Variants in DLC1 observed in about 807,000 individuals in gnomAD.
DLC1 encodes the protein DLC1 Rho GTPase activating protein, also known as rho GTPase-activating protein 7.
Under a neutral mutation model 140.3 loss-of-function variants are expected in DLC1, and 54 were observed. The observed-to-expected ratio is 0.38, with a 90% CI of 0.31 to 0.48. The LOEUF is 0.48. DLC1 is among the 20% of genes least tolerant of loss of function. The pLI, the probability that DLC1 is intolerant of heterozygous loss-of-function variation, is 0.96. For synonymous variants in DLC1, 986 were observed against 728.1 expected, an observed-to-expected ratio of 1.35 and a Z score of -5.70; for missense variants, 2,536 against 1,907.0, an observed-to-expected ratio of 1.33 and a Z score of -6.14.
chr8:13,567,921 A>G, intron 1 of DLC1: 1 of 1,550,512 alleles, frequency 6.4e-7, no homozygotes. Context: ...TAATCAAACC[A>G]GAGCTGGTGA....
chr8:13,287,040 T>G (rs1408605393), intron 5 of DLC1, among the ~76,000 whole-genome samples: 2 of 152,176 alleles, frequency 1.3e-5, no homozygotes, highest in Non-Finnish European at 2.9e-5. Context: ...GTACAGATTC[T>G]TTTGTGTGTA....
chr8:13,238,180 C>T (rs1411325548), intron 5 of DLC1, among the ~76,000 whole-genome samples: 1 of 152,042 alleles, frequency 6.6e-6, no homozygotes, highest in Non-Finnish European at 1.5e-5. Context: ...ATTTTGAAGG[C>T]ATGTATTTCA....
intron 1 of DLC1, among the ~76,000 whole-genome samples, chr8:13,507,442 A>T (rs1802147303): frequency 6.6e-6 from 1 of 152,220 alleles, no homozygotes; most frequent in South Asian, 2.1e-4. Context: ...TTTTTCCTTT[A>T]AAATATTCAT....
chr8:13,123,551 G>C (rs1015229414), intron 5 of DLC1, among the ~76,000 whole-genome samples: 2 of 150,088 alleles, frequency 1.3e-5, no homozygotes, highest in African/African-American at 4.9e-5. Context: ...TTTCACCGTG[G>C]TGGTCAGGCT....
intron 5 of DLC1, chr8:13,116,205 G>A: frequency 1.0e-6 from 1 of 985,462 alleles, no homozygotes; most frequent in Non-Finnish European, 1.2e-6. Flanking sequence ...CAGTAGGAGA[G>A]GCCCAGGCTG....
chr8:13,422,082 A>G (rs1318455068), intron 2 of DLC1, among the ~76,000 whole-genome samples: 1 of 152,192 alleles, frequency 6.6e-6, no homozygotes, highest in Non-Finnish European at 1.5e-5. Flanking sequence ...TATGACTGAT[A>G]AATCTTTTGA....
chr8:13,453,613 A>G (rs774428891), intron 2 of DLC1, among the ~76,000 whole-genome samples: 8 of 137,346 alleles, frequency 5.8e-5, no homozygotes, highest in Non-Finnish European at 1.1e-4. Flanking sequence ...TGAGCAGCCA[A>G]TTCATTTGTC....
chr8:13,093,148 GAA>G lies in DLC1; in HGVS notation c.3527-325_3527-324del, dbSNP rs35750541. On this transcript the variant is annotated intron_variant, in intron 12 of 17. Transcript: ENST00000276297. ...GAACAGTTTTTTCTTTCCTAAGCAT[GAA>G]AAAAAAAAATCCCTAATTTATCAAT... is the stretch of plus-strand genomic sequence containing the variant. Among the ~76,000 whole-genome samples the G allele has an allele frequency of 1.9e-4, 28 of 150,202 alleles. No individual in the cohort carries two copies. In the East Asian group the frequency reaches 2.7e-3, roughly 15 times the overall value.
At chr8:13,601,825 C>G (rs1250133614) in intron 1 of DLC1, among the ~76,000 whole-genome samples, 2 of 151,712 alleles carry the variant, frequency 1.3e-5, no homozygotes, top group Admixed American at 6.6e-5. Context: ...GCAAAACACC[C>G]TTCTTTGGTG....
At chr8:13,177,399 TCCA>T (rs1825810972) in intron 5 of DLC1, among the ~76,000 whole-genome samples, 1 of 152,218 alleles carries the variant, frequency 6.6e-6, no homozygotes, top group African/African-American at 2.4e-5. Flanking sequence ...TTTTTGTAAT[TCCA>T]GGAACTATAG....
intron 5 of DLC1, among the ~76,000 whole-genome samples, chr8:13,260,653 T>G (rs1215835283): frequency 6.6e-6 from 1 of 152,064 alleles, no homozygotes; most frequent in Non-Finnish European, 1.5e-5. Flanking sequence ...GGAAGAAATA[T>G]CCAACTGATG....
intron 5 of DLC1, among the ~76,000 whole-genome samples, chr8:13,272,221 G>A (rs942041873): frequency 6.6e-6 from 1 of 151,978 alleles, no homozygotes; most frequent in Non-Finnish European, 1.5e-5. Context: ...GCCAAAGTGG[G>A]TGGATCATTT....
In DLC1 at chr8:13,545,051, C is replaced by T. The variant is rs115185994; in HGVS notation, c.-125-44855G>A. ...TTTTTGTTTATATTTTCGTCGTATC[C>T]TCAGTGCTAGAACATAGGCACATAG... is the stretch of plus-strand genomic sequence containing the variant. On this transcript the variant is annotated intron_variant, in intron 1 of 1. Coordinates refer to the DLC1 transcript ENST00000631382. Among the ~76,000 whole-genome samples, 493 of 152,044 alleles carry T rather than the reference C, an allele frequency of 3.2e-3. 3 individuals carry two copies. The highest frequency in any genetic ancestry group is 0.011 in the African/African-American group (470 of 41,462).
In DLC1 at chr8:13,401,607, C is replaced by A. The variant is rs774819453; in HGVS notation, c.1036G>T (p.Asp346Tyr). The change falls in exon 3 of 18, where the codon GAT (aspartate) becomes TAT (tyrosine). Residue 346 changes from aspartate (D) to tyrosine (Y), a missense_variant. Transcript: ENST00000276297. ...GAGTCCAGCCGCGCCCTATCTCGATCTTCTCTTATTTCCTGAGGAACAGAA... is the reference window on the plus strand; with the variant it reads ...GAGTCCAGCCGCGCCCTATCTCGATATTCTCTTATTTCCTGAGGAACAGAA... ...RLRKRKEIRE[D>Y]RDRARLDSMV... 6.2e-7 allele frequency: 1 copy of A among 1,613,308 alleles called. No homozygotes were observed. Among genetic ancestry groups the A allele is most frequent in the Non-Finnish European group, 8.5e-7 (1 of 1,179,744 alleles).
At chr8:13,412,816 C>CA (rs1837839313) in intron 2 of DLC1, among the ~76,000 whole-genome samples, 1 of 151,422 alleles carries the variant, frequency 6.6e-6, no homozygotes, top group Admixed American at 6.6e-5. Flanking sequence ...CCTGTAGTCC[C>CA]AGCTACTAGG....
intron 5 of DLC1, among the ~76,000 whole-genome samples, chr8:13,277,150 C>A (rs1831204406): frequency 6.6e-6 from 1 of 152,018 alleles, no homozygotes; most frequent in East Asian, 1.9e-4. Flanking sequence ...CAAGACCCCA[C>A]CCCTACAAGA....
At chr8:13,404,582 C>T (rs1282756341) in intron 2 of DLC1, among the ~76,000 whole-genome samples, 1 of 151,958 alleles carries the variant, frequency 6.6e-6, no homozygotes, top group South Asian at 2.1e-4. Flanking sequence ...CATTTATTTT[C>T]CTTAATATTG....
At chr8:13,287,530 T>C (rs984161360) in intron 5 of DLC1, among the ~76,000 whole-genome samples, 3 of 152,190 alleles carry the variant, frequency 2.0e-5, no homozygotes, top group Non-Finnish European at 4.4e-5. Flanking sequence ...GGCTACTGTT[T>C]TGTGAAGTTT....
At chr8:13,553,228 GTA>G (rs59463537) in intron 1 of DLC1, among the ~76,000 whole-genome samples, 1,738 of 47,484 alleles carry the variant, frequency 0.037, 85 homozygotes, top group African/African-American at 0.12. Flanking sequence ...ATATATATAT[GTA>G]TATATATATA....
Sources: gnomAD v4.1 joint callset for allele counts (sites outside exome capture counted in the v4.1 genomes callset) on GRCh38, gnomAD v4.1.1 for gene constraint, MANE v1.5 for transcripts, NCBI Gene and HGNC (gene_info 2026-07-23, HGNC 2026-07-21) for gene names.